The following ADGRF1 variants were observed in gnomAD, a reference collection of about 807,000 sequenced individuals.
ADGRF1 encodes the protein G protein-coupled receptor 110.
In ADGRF1, 85 loss-of-function variants were observed where a neutral mutation model predicts 87.2. The observed-to-expected ratio is 0.97, with a 90% CI of 0.82 to 1.17. ADGRF1 has a LOEUF of 1.17. ADGRF1 is among the 50% of genes most tolerant of loss of function. The pLI, the probability that ADGRF1 is intolerant of heterozygous loss-of-function variation, is 0.00. For synonymous variants in ADGRF1, 430 were observed against 408.8 expected, an observed-to-expected ratio of 1.05 and a Z score of -0.63; for missense variants, 1,169 against 1,077.2, an observed-to-expected ratio of 1.09 and a Z score of -1.19.
chr6:47,003,286 C>A (rs1779413902), intron 13 of ADGRF1, among the ~76,000 whole-genome samples: 1 of 152,160 alleles, frequency 6.6e-6, no homozygotes, highest in Non-Finnish European at 1.5e-5. Flanking sequence ...AGCATAGCAT[C>A]ATGCAACAGA....
chr6:47,041,184 C>T (rs945857473), intron 1 of ADGRF1, among the ~76,000 whole-genome samples: 1 of 152,130 alleles, frequency 6.6e-6, no homozygotes, highest in East Asian at 1.9e-4. Context: ...ATTATGGGAC[C>T]ATTATTAGAA....
chr6:47,029,663 C>G (rs961584290), intron 1 of ADGRF1, among the ~76,000 whole-genome samples: 11 of 152,142 alleles, frequency 7.2e-5, no homozygotes, highest in African/African-American at 2.7e-4. Flanking sequence ...CAAGATTAAT[C>G]ACTTATACCC....
In ADGRF1 at chr6:46,999,681, T is replaced by G. The variant is rs2113871826; in HGVS notation, c.*541A>C. 1 of 152,614 alleles carries G rather than the reference T, an allele frequency of 6.6e-6. No individual in the cohort carries two copies. The highest frequency in any genetic ancestry group is 2.1e-4 in the South Asian group (1 of 4,840). 9.5% of individuals were successfully genotyped at this position (152,614 alleles called of 1,614,324 possible). On this transcript the variant is annotated 3_prime_UTR_variant, in exon 15 of 15. Coordinates refer to ENST00000371253, the MANE Select transcript of ADGRF1 (RefSeq NM_153840.4). ...GTTTACATTTTATTTCTGATTAACT[T>G]TCAATATTAAGTGATAGAACCTAAG...
At chr6:47,006,609 T>G (rs1273580467) in intron 12 of ADGRF1, among the ~76,000 whole-genome samples, 1 of 152,176 alleles carries the variant, frequency 6.6e-6, no homozygotes, top group African/African-American at 2.4e-5. Flanking sequence ...ATTTGTGAGA[T>G]TCTGATGCAC....
At chr6:47,001,116 C>G (rs1485116902) in intron 14 of ADGRF1, among the ~76,000 whole-genome samples, 1 of 152,278 alleles carries the variant, frequency 6.6e-6, no homozygotes, top group Non-Finnish European at 1.5e-5. Context: ...GCACAAGCAC[C>G]TGGCCGCGTG....
chr6:47,019,680 T>C, intron 7 of ADGRF1: 1 of 628,400 alleles, frequency 1.6e-6, no homozygotes, highest in Non-Finnish European at 1.8e-6. Flanking sequence ...CGAGACTCCA[T>C]CTCAAAAAAA....
intron 8 of ADGRF1, among the ~76,000 whole-genome samples, chr6:47,016,240 G>C (rs1435830669): frequency 6.6e-6 from 1 of 152,176 alleles, no homozygotes; most frequent in Non-Finnish European, 1.5e-5. Flanking sequence ...GTGTCTGTCT[G>C]TCTGTCTTTA....
In ADGRF1 at chr6:47,001,545, G is replaced by A; in HGVS notation, c.2615C>T (p.Ala872Val). ...GAAAGGCTTTGAGAATTTGGGTTTG[G>A]CAGATAAATCTGATGAGTTTTGCTG... ...TEKQNSSDLS[A>V]KPKFSKPFNP... The change falls in exon 14 of 15, where the codon GCC becomes GTC. Residue 872 changes from alanine (A) to valine (V), a missense_variant. Ala to Val is a moderately conservative substitution (Grantham distance 64, BLOSUM62 0). Transcript: ENST00000371253. 1 of 1,613,812 alleles carries A rather than the reference G, an allele frequency of 6.2e-7. No individual in the cohort carries two copies. Among genetic ancestry groups the A allele is most frequent in the East Asian group, 2.2e-5 (1 of 44,852 alleles).
chr6:47,023,984 C>T (rs1780150089), intron 5 of ADGRF1, 60 bp downstream of exon 5: 1 of 1,459,474 alleles, frequency 6.9e-7, no homozygotes. Flanking sequence ...GCAAGCGTCC[C>T]CTCTCTGTTG....
Position 47,009,541 on chromosome 6 carries a change from G to A in ADGRF1, c.1894C>T (p.Leu632=), listed in dbSNP as rs16875406. 57,343 of 1,614,008 alleles carry A rather than the reference G, an allele frequency of 0.036. 1,688 individuals are homozygous for A. The highest frequency in any genetic ancestry group is 0.15 in the African/African-American group (11,335 of 75,010). Residue 632 remains leucine (L), a synonymous_variant, in exon 11 of 15, where the codon CTG becomes TTG. Transcript: ENST00000371253. Reference sequence around the variant, plus strand: ...CAGACATCAGCAATCAAGAGGGACAGGGCTATGTTCACCATGCAAATACGA... The same window carrying A: ...CAGACATCAGCAATCAAGAGGGACAAGGCTATGTTCACCATGCAAATACGA... ...TRRICMVNIA[L]SLLIADVWFI...
intron 1 of ADGRF1, among the ~76,000 whole-genome samples, chr6:47,036,806 C>T (rs985724083): frequency 3.3e-5 from 5 of 152,180 alleles, no homozygotes; most frequent in Non-Finnish European, 7.4e-5. Context: ...AACTAGTTGA[C>T]TGGCATTCCA....
chr6:47,006,491 T>C (rs1416489141), intron 12 of ADGRF1, among the ~76,000 whole-genome samples: 3 of 152,102 alleles, frequency 2.0e-5, no homozygotes, highest in Non-Finnish European at 4.4e-5. Context: ...GCTATTTATT[T>C]ATTTATTTTT....
At chr6:47,011,339 T>C (rs1293342782) in intron 10 of ADGRF1, among the ~76,000 whole-genome samples, 1 of 152,240 alleles carries the variant, frequency 6.6e-6, no homozygotes, top group Non-Finnish European at 1.5e-5. Context: ...ATGTACATTA[T>C]ATAATCCAGT....
chr6:47,025,142 C>T (rs1330061727), intron 4 of ADGRF1, among the ~76,000 whole-genome samples: 3 of 152,106 alleles, frequency 2.0e-5, no homozygotes, highest in Non-Finnish European at 4.4e-5. Flanking sequence ...CCACCGAAGT[C>T]GTCTTTTTTT....
Position 47,001,558 on chromosome 6 carries a change from A to G in ADGRF1, c.2602T>C (p.Ser868Pro). 3.1e-6 allele frequency: 5 copies of G among 1,613,722 alleles called. No homozygotes were observed. The highest frequency in any genetic ancestry group is 4.2e-6 in the Non-Finnish European group (5 of 1,179,750). ...AATTTGGGTTTGGCAGATAAATCTG[A>G]TGAGTTTTGCTGCACAAAATAAAAA... ...SWKQTEKQNS[S>P]DLSAKPKFSK... The change falls in exon 14 of 15, where the codon TCA (serine) becomes CCA (proline). Residue 868 changes from serine to proline, a missense_variant. Coordinates refer to ENST00000371253, the MANE Select transcript of ADGRF1 (RefSeq NM_153840.4).
chr6:47,036,093 T>A (rs901213267), intron 1 of ADGRF1, among the ~76,000 whole-genome samples: 3 of 152,126 alleles, frequency 2.0e-5, no homozygotes, highest in African/African-American at 7.2e-5. Flanking sequence ...TAGCTGGGCA[T>A]GGTGGTACGC....
intron 13 of ADGRF1, 91 bp from the exon 14 acceptor site, chr6:47,001,658 T>C: frequency 1.0e-6 from 1 of 986,746 alleles, no homozygotes; most frequent in Non-Finnish European, 1.6e-6. Flanking sequence ...TATTCATGAT[T>C]CTTTATTTCA....
rs997686615 is a variant in ADGRF1 at position 47,031,324 on chromosome 6, C to A, written c.-43-2220G>T. ...ACTCTCTCTGTCTCTCTGTCTCTCT[C>A]TCTCTCTTCTCTCTCTCTCTCTCTC... On this transcript the variant is annotated intron_variant, in intron 1 of 14. Transcript: ENST00000371253. Among the ~76,000 whole-genome samples the A allele has an allele frequency of 2.0e-5, 3 of 147,242 alleles. No individual in the cohort carries two copies. In the Admixed American group the frequency reaches 2.1e-4, roughly 10 times the overall value.
In ADGRF1 at chr6:47,025,978, C is replaced by A; in HGVS notation, c.153G>T (p.Leu51=). ...HLGPVEEYQL[L]LQVTYRDSKE... Reference sequence around the variant, plus strand: ...TGGAATCTCTATAGGTCACCTGAAGCAGCAGCTGATATTCTTCGACTGGGC... The same window carrying A: ...TGGAATCTCTATAGGTCACCTGAAGAAGCAGCTGATATTCTTCGACTGGGC... The change falls in exon 4 of 15, where the codon CTG becomes CTT. Residue 51 remains leucine, a synonymous_variant. Coordinates refer to ENST00000371253, the MANE Select transcript of ADGRF1 (RefSeq NM_153840.4). The A allele has an allele frequency of 6.2e-7, 1 of 1,606,090 alleles. No individual in the cohort carries two copies. Among genetic ancestry groups the A allele is most frequent in the South Asian group, 1.1e-5 (1 of 90,486 alleles).
Sources: gnomAD v4.1 joint callset for allele counts (sites outside exome capture counted in the v4.1 genomes callset) on GRCh38, gnomAD v4.1.1 for gene constraint, MANE v1.5 for transcripts, NCBI Gene and HGNC (gene_info 2026-07-23, HGNC 2026-07-21) for gene names.